Variants in ALDH1L1 observed in about 807,000 individuals in gnomAD.
ALDH1L1 encodes the protein aldehyde dehydrogenase 1 family member L1.
Under a neutral mutation model 101.1 loss-of-function variants are expected in ALDH1L1, and 68 were observed. The observed-to-expected ratio is 0.67, with a 90% confidence interval of 0.55 to 0.82. The LOEUF (loss-of-function observed/expected upper bound fraction) is 0.82. Among genes scored for constraint, ALDH1L1 ranks in the 40% least tolerant of loss-of-function variants. ALDH1L1 has a pLI of 0.00. For missense variants in ALDH1L1, 1,087 were observed against 1,172.7 expected (o/e 0.93, Z 1.07); for synonymous variants, 486 against 470.8 (o/e 1.03, Z -0.42).
chr3:126,179,198 T>C (rs1047153336), intron 1 of ALDH1L1, among the ~76,000 whole-genome samples: 1 of 152,250 alleles, frequency 6.6e-6, no homozygotes, highest in South Asian at 2.1e-4. Flanking sequence ...TCAGTGTCCT[T>C]TCACTTGGTG....
rs1328992925 is a variant in ALDH1L1 at position 126,150,660 on chromosome 3, T to C, written c.859-129A>G. ...ACCTCCGCCTCCCGGGTTGAAGCGA[T>C]TCTCCTGCCTCAGCCCTCCTGAATA... On this transcript the variant is annotated intron_variant, in intron 7 of 22. Coordinates refer to ENST00000393434, the MANE Select transcript of ALDH1L1 (RefSeq NM_012190.4). 11 of 1,081,050 alleles carry C rather than the reference T, an allele frequency of 1.0e-5. No individual in the cohort carries two copies. The East Asian group carries it at 3.6e-4, about 35-fold the overall frequency. 67.0% of individuals were successfully genotyped at this position (1,081,050 alleles called of 1,614,324 possible).
At chr3:126,157,101 C>T (rs2080925543) in intron 4 of ALDH1L1, among the ~76,000 whole-genome samples, 1 of 152,176 alleles carries the variant, frequency 6.6e-6, no homozygotes, top group African/African-American at 2.4e-5. Flanking sequence ...CCCAAAATGT[C>T]CCCTTTTTGC....
At chr3:126,149,731 A>G (rs539304746) in intron 8 of ALDH1L1, among the ~76,000 whole-genome samples, 13 of 152,228 alleles carry the variant, frequency 8.5e-5, no homozygotes, top group Non-Finnish European at 1.9e-4. Context: ...GGCTCCAGCT[A>G]CAGTGCCCTC....
At chr3:126,161,083 A>C (rs1485734014) in intron 1 of ALDH1L1, 81 bp from the exon 2 acceptor site, 4 of 1,506,418 alleles carry the variant, frequency 2.7e-6, no homozygotes, top group Non-Finnish European at 3.6e-6. Context: ...AGGGCAGTTC[A>C]TGGCACCTGG....
chr3:126,135,635 C>G lies in ALDH1L1; in HGVS notation c.1372G>C (p.Val458Leu). 1 of 1,578,664 alleles carries G rather than the reference C, an allele frequency of 6.3e-7. No individual in the cohort carries two copies. Among genetic ancestry groups the G allele is most frequent in the Non-Finnish European group, 8.6e-7 (1 of 1,162,052 alleles). The change falls in exon 12 of 23, where the codon GTC (valine) becomes CTC (leucine). Residue 458 changes from valine to leucine, a missense_variant. By Grantham distance (32) the Val-to-Leu change is conservative (BLOSUM62 1). Transcript: ENST00000393434. ...GCCACTGCCTTGTCGACGTCGGTGACTTGGGCCAGGGATACCTGGCAGATG... is the reference window on the plus strand; with the variant it reads ...GCCACTGCCTTGTCGACGTCGGTGAGTTGGGCCAGGGATACCTGGCAGATG... ...SVICQVSLAQ[V>L]TDVDKAVAAA...
At chr3:126,134,809 G>A (rs2080393262) in intron 12 of ALDH1L1, among the ~76,000 whole-genome samples, 1 of 152,146 alleles carries the variant, frequency 6.6e-6, no homozygotes. Flanking sequence ...CCCAGCGAAA[G>A]AGCCAGGCCC....
chr3:126,109,519 G>A (rs1005459513), intron 20 of ALDH1L1, among the ~76,000 whole-genome samples: 2 of 152,094 alleles, frequency 1.3e-5, no homozygotes, highest in South Asian at 2.1e-4. Context: ...GAGATCCTGC[G>A]GGCAAAAAGT....
chr3:126,149,491 A>T (rs2080765699), intron 8 of ALDH1L1, among the ~76,000 whole-genome samples: 1 of 152,260 alleles, frequency 6.6e-6, no homozygotes, highest in South Asian at 2.1e-4. Flanking sequence ...ACACCAGGGC[A>T]GGCCAAGTCA....
At chr3:126,185,064 C>A (rs776521241), upstream of ALDH1L1, among the ~76,000 whole-genome samples, 9 of 152,120 alleles carry the variant, frequency 5.9e-5, no homozygotes, top group Non-Finnish European at 8.8e-5. Flanking sequence ...CTTTAAAGGG[C>A]CTGCATGCAA....
chr3:126,179,421 A>T (rs2108343499), intron 1 of ALDH1L1, among the ~76,000 whole-genome samples: 1 of 152,062 alleles, frequency 6.6e-6, no homozygotes, highest in South Asian at 2.1e-4. Flanking sequence ...AATCACTTGA[A>T]CCCGGGAGGC....
chr3:126,137,417 T>C (rs1419438102), intron 10 of ALDH1L1, among the ~76,000 whole-genome samples: 1 of 152,260 alleles, frequency 6.6e-6, no homozygotes, highest in Non-Finnish European at 1.5e-5. Context: ...GGTGGCAGTC[T>C]ACCAAGATAG....
At chr3:126,119,901 A>C (rs2080044517) in intron 16 of ALDH1L1, among the ~76,000 whole-genome samples, 1 of 152,240 alleles carries the variant, frequency 6.6e-6, no homozygotes, top group Admixed American at 6.5e-5. Flanking sequence ...TTGTCATTAG[A>C]GAATAAAAGA....
In ALDH1L1 at chr3:126,137,968, AAGG is replaced by A. The variant is rs747854374; in HGVS notation, c.1077-11_1077-9del. 15 of 1,613,810 alleles carry A rather than the reference AAGG, an allele frequency of 9.3e-6. No homozygotes were observed. Among genetic ancestry groups the A allele is most frequent in the Non-Finnish European group, 1.3e-5 (15 of 1,179,928 alleles). On this transcript the variant is annotated splice_polypyrimidine_tract_variant and intron_variant, in intron 9 of 22. Coordinates refer to ENST00000393434, the MANE Select transcript of ALDH1L1 (RefSeq NM_012190.4). ...TTCACTTCCTCCACCAGCCTGGAGG[AAGG>A]AGATGGAAAGATGGGGACACGGGAG...
intron 8 of ALDH1L1, among the ~76,000 whole-genome samples, chr3:126,149,545 A>AT (rs904125855): frequency 2.0e-5 from 3 of 152,204 alleles, no homozygotes; most frequent in African/African-American, 7.2e-5. Context: ...AATAAATAGG[A>AT]TTTTTTTTAA....
At position 126,103,819 on chromosome 3, in the gene ALDH1L1, C is replaced by T. The variant is rs755990730; in HGVS notation, c.2681G>A (p.Arg894Gln). Reference sequence around the variant, plus strand: ...GTATTCGAAGGTCACTGTCTTGACCCGCAGGTACTCGTTCAGAGCCGCCTC... The same window carrying T: ...GTATTCGAAGGTCACTGTCTTGACCTGCAGGTACTCGTTCAGAGCCGCCTC... ...LGEAALNEYL[R>Q]VKTVTFEY The change falls in exon 23 of 23, where the codon CGG becomes CAG. Residue 894 changes from arginine to glutamine, a missense_variant. By Grantham distance (43) the Arg-to-Gln change is conservative (BLOSUM62 1). Around this residue, in one of 2 missense-constraint regions of ALDH1L1, gnomAD observed 442 missense variants for 535.7 expected, o/e 0.83. Transcript: ENST00000393434. The T allele has an allele frequency of 1.3e-5, 21 of 1,613,522 alleles. No individual in the cohort carries two copies. Among genetic ancestry groups the T allele is most frequent in the South Asian group, 5.5e-5 (5 of 90,954 alleles).
At chr3:126,130,126 G>C in intron 14 of ALDH1L1, 97 bp downstream of exon 14, 2 of 1,154,074 alleles carry the variant, frequency 1.7e-6, no homozygotes, top group Non-Finnish European at 2.3e-6. Flanking sequence ...ATAAATGCAC[G>C]CACAGGGTGC....
intron 12 of ALDH1L1, 57 bp downstream of exon 12, chr3:126,135,478 G>C (rs759402789): frequency 3.8e-6 from 6 of 1,568,804 alleles, no homozygotes; most frequent in Non-Finnish European, 4.3e-6. Context: ...TCCCCCCCGT[G>C]CCACTGCCCA....
intron 8 of ALDH1L1, among the ~76,000 whole-genome samples, chr3:126,147,608 G>A (rs577930731): frequency 6.6e-6 from 1 of 152,314 alleles, no homozygotes; most frequent in Non-Finnish European, 1.5e-5. Context: ...GCAGGCTGCT[G>A]GTGAGGCCCA....
At chr3:126,160,710 C>T (rs1400429657) in intron 2 of ALDH1L1, 143 bp downstream of exon 2, 39 of 1,289,352 alleles carry the variant, frequency 3.0e-5, no homozygotes, top group South Asian at 4.3e-5. Context: ...GAGCAGGATT[C>T]AAGGTAGACC....
Sources: gnomAD v4.1 joint callset for allele counts (sites outside exome capture counted in the v4.1 genomes callset) on GRCh38, gnomAD v4.1.1 for gene constraint, gnomAD v4.1.1 regional missense constraint, MANE v1.5 for transcripts, NCBI Gene and HGNC (gene_info 2026-07-23, HGNC 2026-07-21) for gene names.